The following STAM variants were observed in gnomAD, a reference collection of about 807,000 sequenced individuals.
STAM encodes signal transducing adaptor molecule.
STAM carries 16 observed loss-of-function variants against 63.4 expected under a neutral mutation model. The ratio of observed to expected loss-of-function variants is 0.25; its 90% CI spans 0.17 to 0.38. The LOEUF (loss-of-function observed/expected upper bound fraction) is 0.38. Ranked by LOEUF, STAM falls within the 10% of genes least tolerant of loss-of-function variation. STAM has a pLI of 1.00. For synonymous variants in STAM, 238 were observed against 223.9 expected (o/e 1.06, Z -0.56); for missense variants, 636 against 657.1 (o/e 0.97, Z 0.35).
chr10:17,714,842 C>A lies in STAM; in HGVS notation c.*62C>A. On this transcript the variant is annotated 3_prime_UTR_variant, in exon 14 of 14. Coordinates refer to ENST00000377524, the MANE Select transcript of STAM (RefSeq NM_003473.4). ...ATGCCACTGACAATGTTATGAGATTCATTACTATCTTAAGATGTGTTTATC... is the reference window on the plus strand; with the variant it reads ...ATGCCACTGACAATGTTATGAGATTAATTACTATCTTAAGATGTGTTTATC... The A allele has an allele frequency of 2.1e-6, 3 of 1,417,548 alleles. No homozygotes were observed. The highest frequency in any genetic ancestry group is 1.2e-5 in the South Asian group (1 of 86,482). 87.8% of individuals were successfully genotyped at this position (1,417,548 alleles called of 1,614,324 possible).
intron 1 of STAM, among the ~76,000 whole-genome samples, chr10:17,653,778 A>G (rs1833832072): frequency 1.3e-5 from 2 of 152,196 alleles, no homozygotes; most frequent in South Asian, 2.1e-4. Flanking sequence ...ATTCAATGCC[A>G]TTTTATATTA....
At chr10:17,697,108 T>A (rs142692625) in intron 8 of STAM, among the ~76,000 whole-genome samples, 78 of 152,260 alleles carry the variant, frequency 5.1e-4, no homozygotes, top group South Asian at 1.2e-3. Context: ...TATGTATTTT[T>A]AGTAGAGACA....
At chr10:17,675,041 A>C (rs1014522227) in intron 2 of STAM, among the ~76,000 whole-genome samples, 2 of 152,204 alleles carry the variant, frequency 1.3e-5, no homozygotes, top group African/African-American at 2.4e-5. Flanking sequence ...TGAAAGATGT[A>C]CCCATTTGTG....
chr10:17,679,580 T>TG (rs1491271762), intron 2 of STAM, among the ~76,000 whole-genome samples: 95 of 110,664 alleles, frequency 8.6e-4, no homozygotes, highest in Non-Finnish European at 1.8e-3. Context: ...TTTGCGTGTG[T>TG]TTTTTTTTTT....
chr10:17,653,629 C>G (rs1833826390), intron 1 of STAM, among the ~76,000 whole-genome samples: 1 of 152,130 alleles, frequency 6.6e-6, no homozygotes, highest in Non-Finnish European at 1.5e-5. Context: ...CATGTCTGTA[C>G]CGAACACATA....
At chr10:17,700,940 G>C (rs1218219053) in intron 9 of STAM, among the ~76,000 whole-genome samples, 1 of 152,216 alleles carries the variant, frequency 6.6e-6, no homozygotes, top group Non-Finnish European at 1.5e-5. Flanking sequence ...GATGATTCAT[G>C]ATTCCTCCTT....
In STAM at chr10:17,714,775, C is replaced by T. The variant is rs562704474; in HGVS notation, c.1618C>T (p.Leu540=). The T allele has an allele frequency of 1.4e-4, 223 of 1,613,988 alleles. 1 individual carries two copies. The South Asian group carries it at 2.4e-3, about 17-fold the overall frequency. The part of the protein sequence containing the change: ...PQQPYSQKAL[L] The stretch of plus-strand genomic sequence containing the variant: ...GCAACCATATTCTCAGAAGGCTCTG[C>T]TATAGGACCCGGTGTTCCTCTTGGT... The change falls in exon 14 of 14, where the codon CTA becomes TTA. Residue 540 remains leucine, a synonymous_variant. Coordinates refer to ENST00000377524, the MANE Select transcript of STAM (RefSeq NM_003473.4).
At chr10:17,696,534 A>G in intron 7 of STAM, 1 of 373,212 alleles carries the variant, frequency 2.7e-6, no homozygotes. Flanking sequence ...TTTGGGAGAG[A>G]GTCCATAACT....
chr10:17,665,505 C>A (rs1372990252), intron 2 of STAM, among the ~76,000 whole-genome samples: 1 of 151,928 alleles, frequency 6.6e-6, no homozygotes, highest in Non-Finnish European at 1.5e-5. Context: ...TGTATATATT[C>A]TTCTGCATTT....
At chr10:17,704,930 C>A in intron 10 of STAM, 40 bp from the exon 11 acceptor site, 1 of 1,517,730 alleles carries the variant, frequency 6.6e-7, no homozygotes, top group Non-Finnish European at 9.0e-7. Flanking sequence ...ATTTTTTTTT[C>A]TTGTACTTTC....
intron 5 of STAM, among the ~76,000 whole-genome samples, chr10:17,691,115 A>G (rs113966408): frequency 2.3e-4 from 35 of 152,356 alleles, no homozygotes; most frequent in African/African-American, 8.4e-4. Context: ...GTGTCTGATA[A>G]TTAAAACATT....
intron 2 of STAM, among the ~76,000 whole-genome samples, chr10:17,683,967 A>G (rs1343473150): frequency 6.6e-6 from 1 of 152,198 alleles, no homozygotes; most frequent in Admixed American, 6.5e-5. Flanking sequence ...GTTAGGCAGT[A>G]TGTAGGTATG....
At chr10:17,659,264 C>T (rs781806065) in intron 1 of STAM, among the ~76,000 whole-genome samples, 13 of 151,910 alleles carry the variant, frequency 8.6e-5, no homozygotes, top group African/African-American at 1.9e-4. Flanking sequence ...CCATCCCTTG[C>T]GTCATTGCTG....
chr10:17,653,100 A>C (rs1273287244), intron 1 of STAM, among the ~76,000 whole-genome samples: 1 of 152,170 alleles, frequency 6.6e-6, no homozygotes, highest in Non-Finnish European at 1.5e-5. Context: ...AGGACTAACC[A>C]TGTGATTAAA....
intron 1 of STAM, among the ~76,000 whole-genome samples, chr10:17,649,346 A>G (rs1833646077): frequency 6.6e-6 from 1 of 151,002 alleles, no homozygotes; most frequent in Non-Finnish European, 1.5e-5. Context: ...GGCTGCAGTG[A>G]GCTATGACTG....
chr10:17,696,967 T>C, intron 8 of STAM, 98 bp downstream of exon 8: 1 of 891,906 alleles, frequency 1.1e-6, no homozygotes, highest in Non-Finnish European at 1.8e-6. Context: ...TTGCCCAGGC[T>C]GGAGTGCAGT....
At chr10:17,680,036 T>G (rs1835017042) in intron 2 of STAM, among the ~76,000 whole-genome samples, 1 of 152,178 alleles carries the variant, frequency 6.6e-6, no homozygotes, top group Admixed American at 6.5e-5. Context: ...AAACTTGTGT[T>G]CATTGGCTTT....
intron 2 of STAM, 51 bp from the exon 3 acceptor site, chr10:17,684,624 G>C: frequency 6.8e-7 from 1 of 1,475,858 alleles, no homozygotes. Flanking sequence ...TAAGGGGCAG[G>C]GGGAAGCTAG....
intron 1 of STAM, among the ~76,000 whole-genome samples, chr10:17,645,345 T>C (rs1474175142): frequency 1.3e-5 from 2 of 152,210 alleles, no homozygotes; most frequent in South Asian, 2.1e-4. Context: ...TCTTTGTGTA[T>C]TTTAATTATG....
Sources: allele counts gnomAD v4.1 joint callset (sites outside exome capture counted in the v4.1 genomes callset), GRCh38; gene constraint gnomAD v4.1.1; transcripts MANE v1.5; gene names NCBI Gene and HGNC (gene_info 2026-07-23, HGNC 2026-07-21).